Variants in LHFPL3 observed in about 807,000 individuals in gnomAD.
The protein encoded by LHFPL3 is LHFPL tetraspan subfamily member 3.
A neutral mutation model predicts 19.3 loss-of-function variants in LHFPL3; 5 were observed. That is an observed-to-expected ratio of 0.26 (90% confidence interval 0.14 to 0.54). The LOEUF (loss-of-function observed/expected upper bound fraction) is 0.54. Among genes scored for constraint, LHFPL3 ranks in the 20% least tolerant of loss-of-function variants. LHFPL3 has a pLI of 0.94. For missense variants in LHFPL3, 249 were observed against 307.4 expected (o/e 0.81, Z 1.42); for synonymous variants, 133 against 126.2 (o/e 1.05, Z -0.36).
At chr7:104,675,402 T>C (rs1175575612) in intron 1 of LHFPL3, among the ~76,000 whole-genome samples, 1 of 152,152 alleles carries the variant, frequency 6.6e-6, no homozygotes, top group Non-Finnish European at 1.5e-5. Context: ...GCCTTCGCTC[T>C]ACTCCTTCCC....
chr7:104,442,024 G>T (rs1380132621), intron 1 of LHFPL3, among the ~76,000 whole-genome samples: 1 of 151,444 alleles, frequency 6.6e-6, no homozygotes, highest in Non-Finnish European at 1.5e-5. Context: ...GTGTGCAAGG[G>T]TTTCAATTTC....
intron 1 of LHFPL3, among the ~76,000 whole-genome samples, chr7:104,609,205 T>C (rs10280316): frequency 0.91 from 138,466 of 151,836 alleles, 63,567 homozygotes; most frequent in East Asian, 0.99. Context: ...GCAGAGGTTG[T>C]AGTGAGCTGA....
At chr7:104,482,413 G>A (rs1793155052) in intron 1 of LHFPL3, among the ~76,000 whole-genome samples, 1 of 152,180 alleles carries the variant, frequency 6.6e-6, no homozygotes, top group Non-Finnish European at 1.5e-5. Flanking sequence ...CAGGGTTAAT[G>A]CCAATCATGT....
chr7:104,784,702 C>T (rs1789876266), intron 2 of LHFPL3, among the ~76,000 whole-genome samples: 2 of 152,158 alleles, frequency 1.3e-5, no homozygotes, highest in South Asian at 4.1e-4. Context: ...TAGAAGCAAC[C>T]TAAATGTCCA....
At chr7:104,512,868 G>A (rs934408365) in intron 1 of LHFPL3, among the ~76,000 whole-genome samples, 2 of 152,192 alleles carry the variant, frequency 1.3e-5, no homozygotes, top group Non-Finnish European at 2.9e-5. Flanking sequence ...AGGATGAGCA[G>A]TTATTCTCTT....
At chr7:104,470,156 TC>T (rs1792879511) in intron 1 of LHFPL3, 2 of 444,506 alleles carry the variant, frequency 4.5e-6, no homozygotes, top group Non-Finnish European at 9.1e-6. Context: ...GGGATTCTTT[TC>T]CCCCTGTTCT....
chr7:104,529,277 C>A (rs1165252199), intron 1 of LHFPL3, among the ~76,000 whole-genome samples: 1 of 152,160 alleles, frequency 6.6e-6, no homozygotes, highest in African/African-American at 2.4e-5. Flanking sequence ...ACAACAGACA[C>A]CTCAAACACC....
chr7:104,853,192 A>G (rs1562814994), intron 2 of LHFPL3, among the ~76,000 whole-genome samples: 1 of 152,090 alleles, frequency 6.6e-6, no homozygotes, highest in African/African-American at 2.4e-5. Flanking sequence ...ATGTTAGAAT[A>G]CCCTTGGGGT....
intron 1 of LHFPL3, among the ~76,000 whole-genome samples, chr7:104,534,573 G>C (rs537369702): frequency 2.0e-4 from 30 of 152,292 alleles, no homozygotes; most frequent in Non-Finnish European, 4.4e-4. Context: ...AGGTTGTTAA[G>C]GGCCCTGGAG....
chr7:104,383,568 A>G (rs1434063681), intron 1 of LHFPL3, among the ~76,000 whole-genome samples: 1 of 152,184 alleles, frequency 6.6e-6, no homozygotes, highest in Non-Finnish European at 1.5e-5. Context: ...TTTCAAGGTG[A>G]TCCTATAAAG....
intron 2 of LHFPL3, among the ~76,000 whole-genome samples, chr7:104,869,972 TC>T (rs1791800817): frequency 6.6e-6 from 1 of 151,960 alleles, no homozygotes; most frequent in African/African-American, 2.4e-5. Context: ...ACCATCATTC[TC>T]AGCAAACTAT....
intron 1 of LHFPL3, among the ~76,000 whole-genome samples, chr7:104,333,507 G>C (rs1055814913): frequency 2.2e-4 from 33 of 152,174 alleles, no homozygotes; most frequent in Non-Finnish European, 4.3e-4. Context: ...CCAGCAAGAA[G>C]TGCCACCAAG....
intron 1 of LHFPL3, among the ~76,000 whole-genome samples, chr7:104,374,822 GT>G (rs1435896191): frequency 1.3e-5 from 2 of 152,160 alleles, no homozygotes; most frequent in East Asian, 3.9e-4. Flanking sequence ...GGCTTTATGT[GT>G]TTTTGTGTCC....
In LHFPL3 at chr7:104,334,737, T is replaced by C. The variant is rs79191684; in HGVS notation, c.445+5513T>C. ...TGTGATGAGCTTTTTCCCAGAGGCT[T>C]TCTGATGTATAGGTAATGATCTTTA... On this transcript the variant is annotated intron_variant, in intron 1 of 2. Coordinates refer to ENST00000424859, the MANE Select transcript of LHFPL3 (RefSeq NM_199000.3). Among the ~76,000 whole-genome samples the C allele has an allele frequency of 7.3e-3, 1,107 of 152,242 alleles. 78 individuals carry two copies. The East Asian group carries it at 0.17, about 24-fold the overall frequency.
chr7:104,824,646 T>A (rs1219659663), intron 2 of LHFPL3, among the ~76,000 whole-genome samples: 5 of 88,248 alleles, frequency 5.7e-5, no homozygotes, highest in South Asian at 3.1e-4. Flanking sequence ...TTTTATATAT[T>A]ATATATAATT....
chr7:104,877,486 AT>A (rs1293592646), intron 2 of LHFPL3, among the ~76,000 whole-genome samples: 1 of 152,212 alleles, frequency 6.6e-6, no homozygotes, highest in Non-Finnish European at 1.5e-5. Context: ...GATATAAAAA[AT>A]ATATACAGAT....
chr7:104,669,365 A>G (rs1200021827), intron 1 of LHFPL3: 1 of 1,613,164 alleles, frequency 6.2e-7, no homozygotes, highest in Non-Finnish European at 8.5e-7. Flanking sequence ...CAAACTGGGA[A>G]CTCTAGCCGT....
chr7:104,476,539 C>T (rs747431470), intron 1 of LHFPL3, among the ~76,000 whole-genome samples: 12 of 152,008 alleles, frequency 7.9e-5, no homozygotes, highest in Non-Finnish European at 1.6e-4. Flanking sequence ...CGGCTCACTG[C>T]AACCTCCGCC....
chr7:104,461,608 C>T (rs1361933567), intron 1 of LHFPL3, among the ~76,000 whole-genome samples: 2 of 152,036 alleles, frequency 1.3e-5, no homozygotes, highest in Non-Finnish European at 2.9e-5. Context: ...GTTACTGTAG[C>T]CCTGGAGTGT....
Sources: gnomAD v4.1 joint callset for allele counts (sites outside exome capture counted in the v4.1 genomes callset) on GRCh38, gnomAD v4.1.1 for gene constraint, MANE v1.5 for transcripts, NCBI Gene and HGNC (gene_info 2026-07-23, HGNC 2026-07-21) for gene names.